PPP2CA: variants seen among roughly 807,000 people sequenced by gnomAD.
PPP2CA encodes the protein protein phosphatase 2 catalytic subunit alpha.
In PPP2CA, 5 loss-of-function variants were observed where a neutral mutation model predicts 38.8. The observed-to-expected ratio is 0.13, with a 90% CI of 0.07 to 0.27. The LOEUF is 0.27. Among genes scored for constraint, PPP2CA ranks in the 10% least tolerant of loss-of-function variants. The pLI is 1.00. For missense variants in PPP2CA, 88 were observed against 389.7 expected (o/e 0.23, Z 6.52); for synonymous variants, 152 against 134.0 (o/e 1.13, Z -0.93).
At chr5:134,225,416 A>G in intron 1 of PPP2CA, 1 of 227,658 alleles carries the variant, frequency 4.4e-6, no homozygotes, top group Non-Finnish European at 8.7e-6. Context: ...TCCATTCCCA[A>G]GCCGCAGAAT....
At chr5:134,218,670 T>C (rs891707684) in intron 1 of PPP2CA, among the ~76,000 whole-genome samples, 1 of 8,880 alleles carries the variant, frequency 1.1e-4, no homozygotes, top group Non-Finnish European at 4.7e-4. Flanking sequence ...TGTTTCTTTC[T>C]TTTTTTTTTT....
At chr5:134,198,710 C>A (rs541139380) in intron 6 of PPP2CA, among the ~76,000 whole-genome samples, 6 of 152,180 alleles carry the variant, frequency 3.9e-5, no homozygotes, top group Non-Finnish European at 8.8e-5. Context: ...GGATTACAGG[C>A]AGGCGCCACC....
chr5:134,207,797 C>A (rs942676945), intron 1 of PPP2CA, among the ~76,000 whole-genome samples: 1 of 152,198 alleles, frequency 6.6e-6, no homozygotes, highest in South Asian at 2.1e-4. Flanking sequence ...GATTTGCCCA[C>A]CTCTGCCTCC....
intron 5 of PPP2CA, 49 bp downstream of exon 5, chr5:134,200,281 TCTTTC>T: frequency 6.5e-7 from 1 of 1,528,402 alleles, no homozygotes; most frequent in Non-Finnish European, 8.8e-7. Context: ...CCTAATATCT[TCTTTC>T]CTTAAGTTTA....
chr5:134,219,631 G>A (rs910992985), intron 1 of PPP2CA, among the ~76,000 whole-genome samples: 3 of 152,138 alleles, frequency 2.0e-5, no homozygotes, highest in African/African-American at 4.8e-5. Flanking sequence ...AGATATACAC[G>A]CATCTGTGTC....
In PPP2CA at chr5:134,202,176, A is replaced by G. The variant is rs543275638; in HGVS notation, c.313-155T>C. The G allele has an allele frequency of 7.2e-5, 49 of 678,734 alleles. No homozygotes were observed. In the African/African-American group the frequency reaches 8.5e-4, roughly 12 times the overall value. The allele number at this position is 678,734 out of a possible 1,614,324, so 42.0% of individuals were successfully genotyped here. On this transcript the variant is annotated intron_variant, in intron 2 of 6. Transcript: ENST00000481195. The stretch of plus-strand genomic sequence containing the variant: ...GTGAACCAAAACCACAGCTCTACAG[A>G]ATTTTTAAATGCCCATGGGGTGTTT...
chr5:134,211,225 G>A (rs1762197747), intron 1 of PPP2CA, among the ~76,000 whole-genome samples: 2 of 151,950 alleles, frequency 1.3e-5, no homozygotes, highest in Admixed American at 1.3e-4. Flanking sequence ...CGAGTAGCTG[G>A]GACTGCAGGC....
At chr5:134,216,417 G>A (rs975926834) in intron 1 of PPP2CA, among the ~76,000 whole-genome samples, 4 of 151,520 alleles carry the variant, frequency 2.6e-5, no homozygotes, top group Non-Finnish European at 4.4e-5. Flanking sequence ...GTGCATGCCT[G>A]TAATGCCAGC....
At chr5:134,221,894 G>A (rs1439875005) in intron 1 of PPP2CA, among the ~76,000 whole-genome samples, 1 of 151,522 alleles carries the variant, frequency 6.6e-6, no homozygotes, top group Non-Finnish European at 1.5e-5. Context: ...CTTGAACCTG[G>A]GAGGTGGAGG....
chr5:134,205,548 G>GT (rs3216500), intron 2 of PPP2CA: 137,172 of 178,330 alleles, frequency 0.77, 53,558 homozygotes, highest in Non-Finnish European at 0.82. Context: ...CCCCCGGCTA[G>GT]TTTTTTGTAC....
Position 134,226,008 on chromosome 5 carries a change from G to C in PPP2CA, c.-147C>G, listed in dbSNP as rs1762574506. 3 of 633,758 alleles carry C rather than the reference G, an allele frequency of 4.7e-6. No homozygotes were observed. Among genetic ancestry groups the C allele is most frequent in the East Asian group, 6.5e-5 (2 of 30,894 alleles). The allele number at this position is 633,758 out of a possible 1,614,324, so 39.3% of individuals were successfully genotyped here. A position where few individuals can be genotyped will look rare whatever the true frequency, so the allele number is the denominator to read the frequency against. ...CGCTGGCCCGCTGGCTCTCACCGCA[G>C]TACTCGGCCGTCGGCCGCTGCGCCT... On this transcript the variant is annotated 5_prime_UTR_variant, in exon 1 of 7. Coordinates refer to ENST00000481195, the MANE Select transcript of PPP2CA (RefSeq NM_002715.4).
intron 2 of PPP2CA, among the ~76,000 whole-genome samples, chr5:134,204,356 T>C (rs1762032308): frequency 6.6e-6 from 1 of 152,288 alleles, no homozygotes; most frequent in Non-Finnish European, 1.5e-5. Flanking sequence ...TACCATCTTT[T>C]GCTTCATGTT....
At chr5:134,200,549 T>C in intron 4 of PPP2CA, 53 bp from the exon 5 acceptor site, 1 of 1,575,076 alleles carries the variant, frequency 6.3e-7, no homozygotes, top group Non-Finnish European at 8.6e-7. Context: ...GGTTAACACA[T>C]TATTTGAGTA....
At position 134,210,003 on chromosome 5, in the gene PPP2CA, A is replaced by T. The variant is rs1359561663; in HGVS notation, c.103-3872T>A. On this transcript the variant is annotated intron_variant, in intron 1 of 6. Coordinates refer to ENST00000481195, the MANE Select transcript of PPP2CA (RefSeq NM_002715.4). ...TGAGCTAGGAGAATCGCTTGAGCCC[A>T]GAAGTTCAAGGATGCAGTCAGCCAT... Among the ~76,000 whole-genome samples, 2 of 152,034 alleles carry T rather than the reference A, an allele frequency of 1.3e-5. 1 individual carries two copies. Among genetic ancestry groups the T allele is most frequent in the Non-Finnish European group, 2.9e-5 (2 of 67,988 alleles).
chr5:134,200,510 T>TC lies in PPP2CA; in HGVS notation c.577-15dup, dbSNP rs753654848. 2.5e-6 allele frequency: 4 copies of TC among 1,608,146 alleles called. No homozygotes were observed. In the Admixed American group the frequency reaches 5.1e-5, roughly 21 times the overall value. ...ACACATTGGACCCTAAAAAATAACT[T>TC]CAAGTTATAAAATGCCTTTTACAAA... On this transcript the variant is annotated splice_polypyrimidine_tract_variant and intron_variant, in intron 4 of 6. Coordinates refer to ENST00000481195, the MANE Select transcript of PPP2CA (RefSeq NM_002715.4).
At chr5:134,209,617 T>C (rs1762160172) in intron 1 of PPP2CA, among the ~76,000 whole-genome samples, 1 of 151,614 alleles carries the variant, frequency 6.6e-6, no homozygotes, top group African/African-American at 2.4e-5. Flanking sequence ...CCGTCTCTAC[T>C]AAAAACACAA....
intron 1 of PPP2CA, among the ~76,000 whole-genome samples, chr5:134,213,727 GA>G (rs1580646641): frequency 6.7e-6 from 1 of 149,866 alleles, no homozygotes; most frequent in South Asian, 2.1e-4. Flanking sequence ...AGGTTCCAGT[GA>G]ACTATGATGA....
At chr5:134,224,500 A>C in intron 1 of PPP2CA, 1 of 351,900 alleles carries the variant, frequency 2.8e-6, no homozygotes, top group Non-Finnish European at 5.5e-6. Context: ...ACCAGAAACA[A>C]ATCAGGATAA....
chr5:134,214,461 A>G (rs915616673), intron 1 of PPP2CA, among the ~76,000 whole-genome samples: 1 of 152,190 alleles, frequency 6.6e-6, no homozygotes, highest in East Asian at 1.9e-4. Context: ...AAATAGCATT[A>G]ACTTTTTTTG....
Sources: allele counts gnomAD v4.1 joint callset (sites outside exome capture counted in the v4.1 genomes callset), GRCh38; gene constraint gnomAD v4.1.1; transcripts MANE v1.5; gene names NCBI Gene and HGNC (gene_info 2026-07-23, HGNC 2026-07-21).